TNIK: variants seen among roughly 807,000 people sequenced by gnomAD.
TNIK encodes the protein TRAF2 and NCK interacting kinase.
TNIK carries 49 observed loss-of-function variants against 191.3 expected under a neutral mutation model. The ratio of observed to expected loss-of-function variants is 0.26; its 90% CI spans 0.20 to 0.32. TNIK has a LOEUF of 0.32. Ranked by LOEUF, TNIK falls within the 10% of genes least tolerant of loss-of-function variation. The pLI, the probability that TNIK is intolerant of heterozygous loss-of-function variation, is 1.00. For synonymous variants in TNIK, 594 were observed against 600.9 expected, an observed-to-expected ratio of 0.99 and a Z score of 0.17; for missense variants, 1,155 against 1,702.3, an observed-to-expected ratio of 0.68 and a Z score of 5.66.
chr3:171,302,952 G>A (rs555181118), intron 2 of TNIK, among the ~76,000 whole-genome samples: 38 of 152,076 alleles, frequency 2.5e-4, no homozygotes, highest in Non-Finnish European at 4.7e-4. Context: ...TTCCAGTTGT[G>A]TCTACGCAAT....
intron 1 of TNIK, among the ~76,000 whole-genome samples, chr3:171,417,549 T>C (rs979625944): frequency 6.6e-6 from 1 of 152,206 alleles, no homozygotes; most frequent in Non-Finnish European, 1.5e-5. Context: ...AAAAAAAAGT[T>C]AAAAATCATT....
At chr3:171,071,197 T>C (rs779759733) in intron 29 of TNIK, 26 bp downstream of exon 29, 12 of 1,550,972 alleles carry the variant, frequency 7.7e-6, no homozygotes, top group African/African-American at 6.9e-5. Flanking sequence ...AAAAAGCACA[T>C]TTTAGATAAT....
intron 2 of TNIK, among the ~76,000 whole-genome samples, chr3:171,296,713 T>C (rs1752323424): frequency 6.6e-6 from 1 of 152,194 alleles, no homozygotes; most frequent in Non-Finnish European, 1.5e-5. Context: ...TTATTGAAGA[T>C]AAGTAAGGTA....
Position 171,119,922 on chromosome 3 carries a change from A to G in TNIK, c.2120+3674T>C, listed in dbSNP as rs879458477. 8.1e-4 allele frequency among the ~76,000 whole-genome samples: 124 copies of G among 152,194 alleles called. 1 individual carries two copies. Among genetic ancestry groups the G allele is most frequent in the Non-Finnish European group, 1.5e-3 (100 of 68,028 alleles). On this transcript the variant is annotated intron_variant, in intron 18 of 32. Transcript: ENST00000436636. Reference sequence around the variant, plus strand: ...TGTAACAAACCTGCACGTTGTGCACATGTACCCTAAAACTTAAAGTATATA... The same window carrying G: ...TGTAACAAACCTGCACGTTGTGCACGTGTACCCTAAAACTTAAAGTATATA...
chr3:171,125,784 A>T, intron 17 of TNIK, 128 bp downstream of exon 17: 1 of 1,414,198 alleles, frequency 7.1e-7, no homozygotes, highest in Non-Finnish European at 9.6e-7. Context: ...GAGGGACCAA[A>T]ACAAACATGA....
rs1452191509 is a variant in TNIK at position 171,157,628 on chromosome 3, C to T, written c.1053G>A (p.Arg351=). 6.4e-7 allele frequency: 1 copy of T among 1,556,388 alleles called. No individual in the cohort carries two copies. Among genetic ancestry groups the T allele is most frequent in the Non-Finnish European group, 8.7e-7 (1 of 1,149,972 alleles). Residue 351 remains arginine, a synonymous_variant, in exon 12 of 33, where the codon CGG becomes CGA. Coordinates refer to ENST00000436636, the MANE Select transcript of TNIK (RefSeq NM_015028.4). The stretch of plus-strand genomic sequence containing the variant: ...CCAGCTGCAGCCTCAGAAAGTCCCT[C>T]CGCAGCGTCGACTCCCCTGGCAGAT... ...ILNLPGESTL[R]RDFLRLQLAN...
chr3:171,103,254 A>G (rs1489051847), intron 21 of TNIK, among the ~76,000 whole-genome samples: 1 of 152,174 alleles, frequency 6.6e-6, no homozygotes, highest in Non-Finnish European at 1.5e-5. Flanking sequence ...CATCTGTGAA[A>G]GTGAAAATAG....
rs529901983 is a variant in TNIK, at chr3:171,082,671, G to A, written c.3170-277C>T. The A allele has an allele frequency of 1.2e-5, 4 of 327,258 alleles. No homozygotes were observed. The South Asian group carries it at 2.6e-4, about 21-fold the overall frequency. 20.3% of individuals were successfully genotyped at this position (327,258 alleles called of 1,614,324 possible). A position where few individuals can be genotyped will look rare whatever the true frequency, so the allele number is the denominator to read the frequency against. ...GAGTCCTTGTCAATAGGAGCCTTAGGCACAGATGTGAAGCTAGCATAATTT... is the reference window on the plus strand; with the variant it reads ...GAGTCCTTGTCAATAGGAGCCTTAGACACAGATGTGAAGCTAGCATAATTT... On this transcript the variant is annotated intron_variant, in intron 26 of 32. Coordinates refer to ENST00000436636, the MANE Select transcript of TNIK (RefSeq NM_015028.4).
At chr3:171,317,543 G>T (rs1302745702) in intron 2 of TNIK, among the ~76,000 whole-genome samples, 1 of 152,152 alleles carries the variant, frequency 6.6e-6, no homozygotes, top group Non-Finnish European at 1.5e-5. Context: ...TCATTATATA[G>T]AACTGTTAAC....
At chr3:171,172,799 T>C (rs1235788216) in intron 9 of TNIK, among the ~76,000 whole-genome samples, 1 of 152,146 alleles carries the variant, frequency 6.6e-6, no homozygotes, top group Non-Finnish European at 1.5e-5. Flanking sequence ...CAGGGAAAGG[T>C]GTGCAAGGTG....
intron 16 of TNIK, among the ~76,000 whole-genome samples, chr3:171,127,267 A>G (rs1728606594): frequency 6.6e-6 from 1 of 152,194 alleles, no homozygotes; most frequent in Non-Finnish European, 1.5e-5. Context: ...TTCAGAGGAA[A>G]TCTTCAAAGC....
chr3:171,244,739 C>A (rs1385159503), intron 2 of TNIK, among the ~76,000 whole-genome samples: 2 of 151,720 alleles, frequency 1.3e-5, no homozygotes, highest in Non-Finnish European at 2.9e-5. Context: ...CATTAATTGA[C>A]ACACCCATAT....
At chr3:171,365,297 G>T (rs369452776) in intron 2 of TNIK, among the ~76,000 whole-genome samples, 1 of 146,256 alleles carries the variant, frequency 6.8e-6, no homozygotes, top group South Asian at 2.2e-4. Context: ...ATTTTCCTGC[G>T]TCAGCCTTCT....
chr3:171,437,626 G>A (rs1461582839), intron 1 of TNIK, among the ~76,000 whole-genome samples: 2 of 152,176 alleles, frequency 1.3e-5, no homozygotes, highest in African/African-American at 4.8e-5. Flanking sequence ...CCAGCCAGAG[G>A]CAGGCCCTTC....
At chr3:171,425,303 A>C (rs13066979) in intron 1 of TNIK, among the ~76,000 whole-genome samples, 52,898 of 152,072 alleles carry the variant, frequency 0.35, 11,849 homozygotes, top group Non-Finnish European at 0.48. Flanking sequence ...TAGTAACATT[A>C]GTTCACAGCA....
At position 171,190,720 on chromosome 3, in the gene TNIK, G is replaced by A. The variant is rs1270090306; in HGVS notation, c.485C>T (p.Thr162Ile). 6.3e-7 allele frequency: 1 copy of A among 1,594,392 alleles called. No individual in the cohort carries two copies. The highest frequency in any genetic ancestry group is 1.3e-5 in the African/African-American group (1 of 74,882). Residue 162 changes from threonine (T) to isoleucine (I), a missense_variant, in exon 6 of 33, where the codon ACT becomes ATT. By Grantham distance (89) the Thr-to-Ile change is moderately conservative. Around this residue, in one of 3 missense-constraint regions of TNIK, gnomAD observed 225 missense variants for 438.9 expected, o/e 0.51. Transcript: ENST00000436636. ...RDIKGQNVLLTENAEVKLVDF... is the reference protein window; with the variant it reads ...RDIKGQNVLLIENAEVKLVDF... ...ACCTAGTTTAACTTCTGCATTTTCA[G>A]TCAGCAAGACATTTTGCCCTTTAAT...
In TNIK at chr3:171,440,638, T is replaced by C. The variant is rs141906067; in HGVS notation, c.57+19369A>G. The stretch of plus-strand genomic sequence containing the variant: ...CTATGCTGTAAGTCACGAGCAGGCA[T>C]TCATTTCATTAATAAATGGATACAA... On this transcript the variant is annotated intron_variant, in intron 1 of 32. Transcript: ENST00000436636. Among the ~76,000 whole-genome samples, 530 of 152,358 alleles carry C rather than the reference T, an allele frequency of 3.5e-3. 6 individuals carry two copies. Among genetic ancestry groups the C allele is most frequent in the African/African-American group, 0.012 (504 of 41,574 alleles).
intron 2 of TNIK, among the ~76,000 whole-genome samples, chr3:171,306,925 A>C (rs980882953): frequency 6.6e-6 from 1 of 152,152 alleles, no homozygotes; most frequent in Admixed American, 6.6e-5. Flanking sequence ...CAGCGATGGG[A>C]ACTGACTAGT....
intron 24 of TNIK, among the ~76,000 whole-genome samples, chr3:171,086,611 A>G (rs1721388956): frequency 6.6e-6 from 1 of 152,248 alleles, no homozygotes; most frequent in African/African-American, 2.4e-5. Flanking sequence ...TGCATCATAA[A>G]AACTTAGTGT....
Sources: gnomAD v4.1 joint callset for allele counts (sites outside exome capture counted in the v4.1 genomes callset) on GRCh38, gnomAD v4.1.1 for gene constraint, gnomAD v4.1.1 regional missense constraint, MANE v1.5 for transcripts, NCBI Gene and HGNC (gene_info 2026-07-23, HGNC 2026-07-21) for gene names.